The following PUDP variants were observed in gnomAD, a reference collection of about 807,000 sequenced individuals.
The protein encoded by PUDP is pseudouridine-5'-phosphatase.
In PUDP, 8 loss-of-function variants were observed where a neutral mutation model predicts 9.4. The observed-to-expected ratio is 0.85, with a 90% confidence interval of 0.50 to 1.53. The LOEUF is 1.53. Among genes scored for constraint, PUDP ranks in the 40% most tolerant of loss-of-function variants. The probability of loss-of-function intolerance (pLI) is 0.00; values close to 1 mark genes in which losing one functional copy is unlikely to be tolerated. For synonymous variants in PUDP, 99 were observed against 80.7 expected (o/e 1.23, Z -1.22); for missense variants, 188 against 189.7 (o/e 0.99, Z 0.05).
intron 1 of PUDP, among the ~76,000 whole-genome samples, chrX:7,136,702 C>A (rs775219942): frequency 1.2e-4 from 12 of 99,146 alleles, no homozygotes; most frequent in Non-Finnish European, 8.2e-5. Flanking sequence ...TGGGACCCCC[C>A]CCCCCAACCC....
At chrX:6,716,894 G>A (rs760239500) in intron 1 of PUDP, among the ~76,000 whole-genome samples, 1 of 110,859 alleles carries the variant, frequency 9.0e-6, no homozygotes, top group Admixed American at 9.6e-5. Context: ...TCAGCCTCCC[G>A]AGTAGCTGGG....
intron 3 of PUDP, among the ~76,000 whole-genome samples, chrX:6,967,184 G>A (rs1184424648): frequency 9.0e-6 from 1 of 111,716 alleles, no homozygotes; most frequent in Non-Finnish European, 1.9e-5. Context: ...ATCTGCAGCC[G>A]CCCTGGCCTT....
chrX:6,933,075 T>C (rs1304230117), intron 3 of PUDP, among the ~76,000 whole-genome samples: 2 of 110,720 alleles, frequency 1.8e-5, no homozygotes, highest in African/African-American at 3.3e-5. Context: ...CAGTAACCTC[T>C]GCAGACTTAA....
At chrX:7,040,284 G>A (rs1929904245) in intron 1 of PUDP, among the ~76,000 whole-genome samples, 1 of 111,405 alleles carries the variant, frequency 9.0e-6, no homozygotes, top group South Asian at 3.9e-4. Context: ...CTCATGTCTG[G>A]GCACCTGTGC....
chrX:7,001,681 T>C (rs1185269241), intron 1 of PUDP, among the ~76,000 whole-genome samples: 2 of 111,476 alleles, frequency 1.8e-5, no homozygotes, highest in African/African-American at 6.5e-5. Flanking sequence ...CCTTGAATTT[T>C]CATGTATAAC....
chrX:6,992,004 T>G (rs189867074), intron 1 of PUDP, among the ~76,000 whole-genome samples: 1 of 111,239 alleles, frequency 9.0e-6, no homozygotes, highest in East Asian at 2.8e-4. Context: ...ATTACCCAGA[T>G]GCATGAGGTC....
At chrX:6,860,519 G>T (rs1271526431) in intron 3 of PUDP, among the ~76,000 whole-genome samples, 1 of 106,404 alleles carries the variant, frequency 9.4e-6, no homozygotes, top group Non-Finnish European at 1.9e-5. Context: ...TGGCCAGGCT[G>T]GAGTGCAGTG....
At chrX:7,057,737 AT>A in intron 3 of PUDP, 1 of 1,154,371 alleles carries the variant, frequency 8.7e-7, no homozygotes, top group Non-Finnish European at 1.1e-6. Context: ...GAAGCAGTTG[AT>A]TACACAGAAG....
intron 3 of PUDP, among the ~76,000 whole-genome samples, chrX:6,740,875 G>A (rs902653158): frequency 1.8e-5 from 2 of 112,006 alleles, no homozygotes; most frequent in African/African-American, 3.3e-5. Flanking sequence ...AAACTTGGCA[G>A]AGGCCAGGTG....
chrX:7,004,183 G>C (rs1278788557), intron 1 of PUDP, among the ~76,000 whole-genome samples: 1 of 111,811 alleles, frequency 8.9e-6, no homozygotes, highest in Non-Finnish European at 1.9e-5. Context: ...CCGGTTTCAT[G>C]CTTTTTATAA....
At chrX:6,903,488 T>G (rs1024308269) in intron 3 of PUDP, among the ~76,000 whole-genome samples, 3 of 111,684 alleles carry the variant, frequency 2.7e-5, no homozygotes, top group African/African-American at 9.8e-5. Flanking sequence ...ACACCTGCAC[T>G]TGTATGTTCA....
chrX:6,753,025 T>C (rs924201580), intron 3 of PUDP, among the ~76,000 whole-genome samples: 9 of 111,214 alleles, frequency 8.1e-5, no homozygotes, highest in African/African-American at 2.9e-4. Context: ...TGCCTAGACA[T>C]TTATTACCTC....
At chrX:6,852,504 G>C (rs1168300944) in intron 3 of PUDP, among the ~76,000 whole-genome samples, 1 of 111,178 alleles carries the variant, frequency 9.0e-6, no homozygotes, top group Admixed American at 9.6e-5. Context: ...ATGCTCCTTA[G>C]GGTCTGTTTA....
intron 1 of PUDP, among the ~76,000 whole-genome samples, chrX:6,995,072 T>C (rs1461534999): frequency 9.0e-6 from 1 of 111,538 alleles, no homozygotes; most frequent in African/African-American, 3.3e-5. Context: ...TATGAGAATA[T>C]TATGAGGAAT....
downstream of PUDP, among the ~76,000 whole-genome samples, chrX:7,045,278 T>C (rs889949424): frequency 1.8e-5 from 2 of 112,884 alleles, no homozygotes; most frequent in African/African-American, 6.4e-5. Flanking sequence ...TGTGAGTCAA[T>C]TAAACCTCTT....
chrX:6,897,492 AAC>A (rs1324175594), intron 3 of PUDP, among the ~76,000 whole-genome samples: 1 of 111,421 alleles, frequency 9.0e-6, no homozygotes, highest in East Asian at 2.8e-4. Flanking sequence ...GTCTTGGTTC[AAC>A]ACAGAGTGTC....
intron 3 of PUDP, among the ~76,000 whole-genome samples, chrX:6,766,143 T>C (rs961143292): frequency 9.0e-6 from 1 of 111,226 alleles, no homozygotes; most frequent in Non-Finnish European, 1.9e-5. Flanking sequence ...CCAGTAAAAA[T>C]ATCCCTTAGG....
intron 3 of PUDP, among the ~76,000 whole-genome samples, chrX:6,768,595 A>T (rs983589245): frequency 4.1e-4 from 46 of 111,945 alleles, no homozygotes; most frequent in Non-Finnish European, 7.7e-4. Context: ...GATATTAAAA[A>T]TTGCAAGATC....
intron 2 of PUDP, among the ~76,000 whole-genome samples, chrX:7,083,521 G>A (rs1381119736): frequency 2.7e-5 from 3 of 111,570 alleles, no homozygotes; most frequent in East Asian, 2.8e-4. Flanking sequence ...TGTCAGCTAC[G>A]ACACCAAGCT....
Sources: gnomAD v4.1 joint callset for allele counts (sites outside exome capture counted in the v4.1 genomes callset) on GRCh38, gnomAD v4.1.1 for gene constraint, MANE v1.5 for transcripts, NCBI Gene and HGNC (gene_info 2026-07-23, HGNC 2026-07-21) for gene names.